FGGY: variants seen among roughly 807,000 people sequenced by gnomAD.
The protein encoded by FGGY is FGGY carbohydrate kinase domain-containing protein.
FGGY carries 72 observed loss-of-function variants against 71.3 expected under a neutral mutation model. The ratio of observed to expected loss-of-function variants is 1.01; its 90% CI spans 0.84 to 1.23. The LOEUF (loss-of-function observed/expected upper bound fraction) is 1.23. Ranked by LOEUF, FGGY falls within the 50% of genes most tolerant of loss-of-function variation. The probability of loss-of-function intolerance (pLI) is 0.00; values close to 1 mark genes in which losing one functional copy is unlikely to be tolerated. For missense variants in FGGY, 668 were observed against 682.3 expected (o/e 0.98, Z 0.23); for synonymous variants, 251 against 250.3 (o/e 1.00, Z -0.02).
At chr1:59,344,630 A>C (rs534826718) in intron 3 of FGGY, among the ~76,000 whole-genome samples, 1 of 152,258 alleles carries the variant, frequency 6.6e-6, no homozygotes, top group East Asian at 1.9e-4. Flanking sequence ...ACCATAACCC[A>C]CAGATACTCA....
intron 12 of FGGY, among the ~76,000 whole-genome samples, chr1:59,661,650 A>G (rs1572819777): frequency 6.6e-6 from 1 of 152,276 alleles, no homozygotes; most frequent in African/African-American, 2.4e-5. Context: ...TTTTATAATA[A>G]TAATGATGAT....
At chr1:59,704,800 A>C (rs2097741955) in intron 14 of FGGY, among the ~76,000 whole-genome samples, 1 of 152,182 alleles carries the variant, frequency 6.6e-6, no homozygotes, top group African/African-American at 2.4e-5. Flanking sequence ...AAATACAAAA[A>C]AAAAGTGGAA....
At chr1:59,350,222 GT>G (rs541590974) in intron 4 of FGGY, among the ~76,000 whole-genome samples, 9 of 152,254 alleles carry the variant, frequency 5.9e-5, no homozygotes, top group African/African-American at 2.2e-4. Flanking sequence ...ACCAGCAACT[GT>G]GATAGGCACT....
At chr1:59,325,480 A>G (rs773611184) in intron 2 of FGGY, among the ~76,000 whole-genome samples, 1 of 152,154 alleles carries the variant, frequency 6.6e-6, no homozygotes, top group Non-Finnish European at 1.5e-5. Flanking sequence ...GCAGAAAGAG[A>G]GGGTGAGAAG....
intron 7 of FGGY, among the ~76,000 whole-genome samples, chr1:59,542,910 C>T (rs1475792418): frequency 6.6e-6 from 1 of 152,122 alleles, no homozygotes; most frequent in Non-Finnish European, 1.5e-5. Context: ...TTCCCTAAGG[C>T]ACCTAGGATG....
At chr1:59,328,382 A>G (rs898185617) in intron 2 of FGGY, among the ~76,000 whole-genome samples, 1 of 152,208 alleles carries the variant, frequency 6.6e-6, no homozygotes, top group African/African-American at 2.4e-5. Context: ...GGTAGCTTCA[A>G]ACTTTTCATT....
intron 3 of FGGY, among the ~76,000 whole-genome samples, chr1:59,340,442 G>A (rs889632819): frequency 3.3e-5 from 5 of 152,226 alleles, no homozygotes; most frequent in Middle Eastern, 3.4e-3. Context: ...TTCCTATTCC[G>A]TGCTTATCTG....
At chr1:59,424,348 A>G (rs1254378320) in intron 5 of FGGY, among the ~76,000 whole-genome samples, 1 of 152,210 alleles carries the variant, frequency 6.6e-6, no homozygotes, top group Non-Finnish European at 1.5e-5. Flanking sequence ...AGAGATTGAA[A>G]CTGTCCTGCT....
intron 5 of FGGY, among the ~76,000 whole-genome samples, chr1:59,431,865 C>A (rs1254851482): frequency 1.3e-5 from 2 of 152,192 alleles, no homozygotes; most frequent in African/African-American, 4.8e-5. Context: ...TGGTTCCTAA[C>A]AGAGCTTCTA....
intron 14 of FGGY, among the ~76,000 whole-genome samples, chr1:59,705,378 CA>C: frequency 6.6e-6 from 1 of 152,020 alleles, no homozygotes; most frequent in Non-Finnish European, 1.5e-5. Flanking sequence ...TTTATGTGCC[CA>C]AGAGTAAACT....
chr1:59,297,597 T>A (rs913236250), intron 1 of FGGY, among the ~76,000 whole-genome samples: 1 of 151,842 alleles, frequency 6.6e-6, no homozygotes, highest in East Asian at 1.9e-4. Flanking sequence ...CCAAGGCGGG[T>A]GGATCACGAG....
intron 5 of FGGY, among the ~76,000 whole-genome samples, chr1:59,383,015 G>C (rs527528068): frequency 6.6e-6 from 1 of 152,110 alleles, no homozygotes; most frequent in Non-Finnish European, 1.5e-5. Context: ...TGACTTACCG[G>C]CTTTGATTTT....
At chr1:59,559,421 TTTA>T (rs952910864) in intron 8 of FGGY, among the ~76,000 whole-genome samples, 59 of 152,342 alleles carry the variant, frequency 3.9e-4, no homozygotes, top group African/African-American at 1.4e-3. Context: ...CAAACTCATA[TTTA>T]GTTTAACATA....
intron 14 of FGGY, among the ~76,000 whole-genome samples, chr1:59,739,568 T>C (rs191098849): frequency 6.6e-6 from 1 of 152,324 alleles, no homozygotes; most frequent in East Asian, 1.9e-4. Flanking sequence ...TAAACAGACC[T>C]GTCTGATAAC....
chr1:59,739,914 C>G (rs141918897), intron 14 of FGGY, among the ~76,000 whole-genome samples: 17 of 152,152 alleles, frequency 1.1e-4, no homozygotes, highest in African/African-American at 4.1e-4. Context: ...ATGGGCAGCC[C>G]CAGCAGGAAC....
intron 4 of FGGY, among the ~76,000 whole-genome samples, chr1:59,353,184 C>G (rs2053625630): frequency 6.6e-6 from 1 of 152,080 alleles, no homozygotes; most frequent in Non-Finnish European, 1.5e-5. Context: ...AAAATGAGGA[C>G]AATAGTATCA....
intron 1 of FGGY, among the ~76,000 whole-genome samples, chr1:59,305,189 T>A (rs1220054767): frequency 2.0e-5 from 3 of 152,190 alleles, no homozygotes; most frequent in Non-Finnish European, 4.4e-5. Context: ...ATATTGGCTT[T>A]GGGCTTGTCA....
intron 10 of FGGY, among the ~76,000 whole-genome samples, chr1:59,635,326 A>G (rs1430212112): frequency 6.6e-6 from 1 of 152,192 alleles, no homozygotes; most frequent in Admixed American, 6.5e-5. Flanking sequence ...CAAAGGGGTA[A>G]GCATATGCCC....
intron 14 of FGGY, chr1:59,697,640 C>A (rs1480948858): frequency 7.7e-7 from 1 of 1,302,620 alleles, no homozygotes; most frequent in African/African-American, 1.5e-5. Flanking sequence ...TTTGTGACTT[C>A]TTTCCAGTGG....
Sources: allele counts gnomAD v4.1 joint callset (sites outside exome capture counted in the v4.1 genomes callset), GRCh38; gene constraint gnomAD v4.1.1; transcripts MANE v1.5; gene names NCBI Gene and HGNC (gene_info 2026-07-23, HGNC 2026-07-21).